The following XPO7 variants were observed in gnomAD, a reference collection of about 807,000 sequenced individuals.
The protein encoded by XPO7 is exportin-7.
Under a neutral mutation model 144.3 loss-of-function variants are expected in XPO7, and 21 were observed. The observed-to-expected ratio is 0.15, with a 90% confidence interval of 0.10 to 0.21. The LOEUF is 0.21. Ranked by LOEUF, XPO7 falls within the 10% of genes least tolerant of loss-of-function variation. XPO7 has a pLI of 1.00. For synonymous variants in XPO7, 580 were observed against 499.6 expected (o/e 1.16, Z -2.15); for missense variants, 808 against 1,325.8 (o/e 0.61, Z 6.06).
At chr8:21,965,014 T>C (rs1280457741) in intron 1 of XPO7, among the ~76,000 whole-genome samples, 1 of 152,194 alleles carries the variant, frequency 6.6e-6, no homozygotes, top group African/African-American at 2.4e-5. Flanking sequence ...GTGATGGCTG[T>C]GGAGGTTCTG....
chr8:21,972,082 G>T (rs1812080588), intron 5 of XPO7, 141 bp downstream of exon 5: 2 of 670,120 alleles, frequency 3.0e-6, no homozygotes, highest in Non-Finnish European at 2.6e-6. Context: ...AAACAAAATA[G>T]TTCCATTGGG....
At position 21,927,618 on chromosome 8, in the gene XPO7, T is replaced by C. The variant is rs572041130; in HGVS notation, c.18+7830T>C. Among the ~76,000 whole-genome samples, 412 of 148,094 alleles carry C rather than the reference T, an allele frequency of 2.8e-3. 2 individuals are homozygous for C. In the South Asian group the frequency reaches 0.029, roughly 10 times the overall value. ...TGGAGTGCAGTGGCGCAATCTCGGC[T>C]CACGGCAACCTCTGCCTCCCGGGTT... is the stretch of plus-strand genomic sequence containing the variant. On this transcript the variant is annotated intron_variant, in intron 1 of 27. Coordinates refer to ENST00000252512, the MANE Select transcript of XPO7 (RefSeq NM_015024.5).
Position 21,976,475 on chromosome 8 carries a change from C to T in XPO7, c.717C>T (p.Ser239=), listed in dbSNP as rs1812227670. 1 of 1,613,926 alleles carries T rather than the reference C, an allele frequency of 6.2e-7. No individual in the cohort carries two copies. The highest frequency in any genetic ancestry group is 1.1e-5 in the South Asian group (1 of 91,080). The change falls in exon 7 of 28, where the codon TCC becomes TCT. Residue 239 remains serine, a synonymous_variant. Transcript: ENST00000252512. ...TCATCGGCACTTCCACTGATGAGTCCTCAGACGACCTGTGTACAGTGCAGA... is the reference window on the plus strand; with the variant it reads ...TCATCGGCACTTCCACTGATGAGTCTTCAGACGACCTGTGTACAGTGCAGA... ...FDFIGTSTDE[S]SDDLCTVQIP... is the part of the protein sequence containing the mutation.
chr8:21,974,007 G>T (rs1297313342), intron 5 of XPO7, among the ~76,000 whole-genome samples: 2 of 151,580 alleles, frequency 1.3e-5, no homozygotes, highest in African/African-American at 4.8e-5. Flanking sequence ...AGCGTTGAGG[G>T]TTTTTTTTGT....
At chr8:21,950,593 A>G (rs1047114424) in intron 1 of XPO7, among the ~76,000 whole-genome samples, 9 of 152,186 alleles carry the variant, frequency 5.9e-5, no homozygotes, top group Non-Finnish European at 1.3e-4. Context: ...TACAAATAAT[A>G]TTATATGGAC....
At chr8:21,920,017 GC>G (rs1211794132) in intron 1 of XPO7, among the ~76,000 whole-genome samples, 1 of 151,544 alleles carries the variant, frequency 6.6e-6, no homozygotes, top group Non-Finnish European at 1.5e-5. Flanking sequence ...CGCGCGCGGG[GC>G]TGCAGGGACA....
At chr8:21,953,637 A>G (rs1056130426) in intron 1 of XPO7, among the ~76,000 whole-genome samples, 2 of 152,210 alleles carry the variant, frequency 1.3e-5, no homozygotes, top group African/African-American at 2.4e-5. Context: ...ATTCTCACCA[A>G]CAGTTCCTGT....
At chr8:21,979,998 G>T in intron 8 of XPO7, 86 bp from the exon 9 acceptor site, 1 of 1,370,002 alleles carries the variant, frequency 7.3e-7, no homozygotes, top group South Asian at 1.7e-5. Context: ...TCCTAAAGAA[G>T]GATATTGTAG....
chr8:21,930,884 A>G (rs1290069406), intron 1 of XPO7, among the ~76,000 whole-genome samples: 3 of 152,228 alleles, frequency 2.0e-5, no homozygotes, highest in Admixed American at 2.0e-4. Context: ...CCCAAGCTAG[A>G]GTGCAGTGTT....
chr8:21,945,194 C>G (rs568665541), intron 1 of XPO7, among the ~76,000 whole-genome samples: 60 of 152,042 alleles, frequency 3.9e-4, no homozygotes, highest in African/African-American at 1.4e-3. Flanking sequence ...TGGGCAGAGG[C>G]GCCCCCCACC....
intron 1 of XPO7, among the ~76,000 whole-genome samples, chr8:21,934,809 A>G (rs57500504): frequency 6.6e-6 from 1 of 152,334 alleles, no homozygotes; most frequent in East Asian, 1.9e-4. Context: ...TGGGTGATTT[A>G]TTAAAATGCT....
chr8:21,921,926 G>T (rs1003372955), intron 1 of XPO7, among the ~76,000 whole-genome samples: 7 of 152,078 alleles, frequency 4.6e-5, no homozygotes, highest in Admixed American at 1.3e-4. Flanking sequence ...TGTTAAGGTG[G>T]TACTTTATTG....
chr8:21,956,080 T>C (rs1811525399), intron 1 of XPO7, among the ~76,000 whole-genome samples: 1 of 152,196 alleles, frequency 6.6e-6, no homozygotes, highest in South Asian at 2.1e-4. Flanking sequence ...AAGTATATTC[T>C]GTAGTAGCTC....
intron 1 of XPO7, among the ~76,000 whole-genome samples, chr8:21,939,450 A>G (rs1810922179): frequency 2.0e-5 from 3 of 152,078 alleles, no homozygotes; most frequent in African/African-American, 4.8e-5. Context: ...CAAACTCCCA[A>G]CCTCAGGTGA....
intron 1 of XPO7, among the ~76,000 whole-genome samples, chr8:21,958,954 C>CT (rs1436554293): frequency 1.4e-3 from 160 of 113,360 alleles, no homozygotes; most frequent in African/African-American, 6.1e-3. Flanking sequence ...GAGTAAGACT[C>CT]TGTCTCCAAA....
At chr8:22,004,126 T>G (rs2117413612) in intron 27 of XPO7, 96 bp downstream of exon 27, 8 of 1,522,572 alleles carry the variant, frequency 5.3e-6, no homozygotes, top group Middle Eastern at 1.7e-4. Context: ...ACATCTGTGT[T>G]TGGAGGCCAT....
At chr8:21,994,315 A>G (rs1812868936) in intron 19 of XPO7, 48 bp from the exon 20 acceptor site, 2 of 1,420,170 alleles carry the variant, frequency 1.4e-6, no homozygotes, top group African/African-American at 1.4e-5. Context: ...AGATTGTTAC[A>G]GTTTTGTCTT....
chr8:21,996,478 A>G (rs1047044167), intron 21 of XPO7, among the ~76,000 whole-genome samples: 23 of 152,238 alleles, frequency 1.5e-4, no homozygotes, highest in African/African-American at 5.3e-4. Context: ...TTGGCAACCA[A>G]GATTCTGATT....
intron 25 of XPO7, 37 bp downstream of exon 25, chr8:22,002,309 G>A (rs1359793198): frequency 1.3e-6 from 2 of 1,598,802 alleles, no homozygotes; most frequent in East Asian, 2.2e-5. Flanking sequence ...GTGATGGGGT[G>A]TCCGACAGAG....
Sources: allele counts gnomAD v4.1 joint callset (sites outside exome capture counted in the v4.1 genomes callset), GRCh38; gene constraint gnomAD v4.1.1; transcripts MANE v1.5; gene names NCBI Gene and HGNC (gene_info 2026-07-23, HGNC 2026-07-21).